PRC1: variants seen among roughly 807,000 people sequenced by gnomAD.
PRC1 encodes the protein protein regulator of cytokinesis 1, also known as anaphase spindle elongation 1 homolog.
A neutral mutation model predicts 91.2 loss-of-function variants in PRC1; 54 were observed. The observed-to-expected ratio is 0.59, with a 90% CI of 0.48 to 0.74. PRC1 has a LOEUF of 0.74. Ranked by LOEUF, PRC1 falls within the 30% of genes least tolerant of loss-of-function variation. PRC1 has a pLI of 0.00. For synonymous variants in PRC1, 275 were observed against 263.6 expected (o/e 1.04, Z -0.42); for missense variants, 727 against 746.2 (o/e 0.97, Z 0.30).
At chr15:90,977,814 T>C (rs935072033) in intron 8 of PRC1, among the ~76,000 whole-genome samples, 3 of 152,080 alleles carry the variant, frequency 2.0e-5, no homozygotes, top group Admixed American at 2.0e-4. Context: ...TCTCGATCTC[T>C]TGACCTCCTG....
chr15:90,970,939 C>T (rs1427790505), intron 11 of PRC1, among the ~76,000 whole-genome samples: 2 of 152,206 alleles, frequency 1.3e-5, no homozygotes, highest in East Asian at 3.8e-4. Flanking sequence ...TAAATTCATA[C>T]AGTGGAATGA....
At chr15:90,990,826 C>T (rs956066987) in intron 1 of PRC1, among the ~76,000 whole-genome samples, 6 of 151,578 alleles carry the variant, frequency 4.0e-5, no homozygotes, top group Non-Finnish European at 5.9e-5. Flanking sequence ...GCACCCAGGC[C>T]GGAGTGCAAT....
In PRC1 at chr15:90,976,860, G is replaced by C. The variant is rs2038747141; in HGVS notation, c.1108-89C>G. The C allele has an allele frequency of 2.7e-6, 3 of 1,113,184 alleles. No homozygotes were observed. The South Asian group carries it at 4.0e-5, about 15-fold the overall frequency. 69.0% of individuals were successfully genotyped at this position (1,113,184 alleles called of 1,614,324 possible). ...AGATTCTTTGTTCTCGCCAGGCGTG[G>C]TGACTCACACCTGTAATCCCAGCAC... On this transcript the variant is annotated intron_variant, in intron 8 of 14. Coordinates refer to ENST00000394249, the MANE Select transcript of PRC1 (RefSeq NM_003981.4).
chr15:90,969,033 G>T (rs1596271521), intron 14 of PRC1, 46 bp downstream of exon 14: 2 of 1,613,730 alleles, frequency 1.2e-6, no homozygotes, highest in South Asian at 1.1e-5. Flanking sequence ...GCCAGCAGAT[G>T]ACAGATCAGT....
chr15:90,978,409 G>C lies in PRC1; in HGVS notation c.1107+749C>G, dbSNP rs1191577719. On this transcript the variant is annotated intron_variant, in intron 8 of 14. Transcript: ENST00000394249. ...AGAGAGCCGGGAAGAGCTCTTGAAG[G>C]AGTGAGGGGCAATGCCTTCTTTGTT... is the stretch of plus-strand genomic sequence containing the variant. 3.3e-5 allele frequency among the ~76,000 whole-genome samples: 5 copies of C among 152,254 alleles called. No homozygotes were observed. In the South Asian group the frequency reaches 8.3e-4, roughly 25 times the overall value.
chr15:90,981,864 G>C lies in PRC1; in HGVS notation c.385C>G (p.Gln129Glu). The change falls in exon 4 of 15, where the codon CAA (glutamine) becomes GAA (glutamate). Residue 129 changes from glutamine (Q) to glutamate (E), a missense_variant. Gln to Glu is a conservative substitution (Grantham distance 29, BLOSUM62 2). Coordinates refer to ENST00000394249, the MANE Select transcript of PRC1 (RefSeq NM_003981.4). Reference sequence around the variant, plus strand: ...ATACAAAGAATTTCGCACAGTTCTTGATCTTGCTCTTGAAGTAGCTTCAGT... The same window carrying C: ...ATACAAAGAATTTCGCACAGTTCTTCATCTTGCTCTTGAAGTAGCTTCAGT... ...QELKLLQEQD[Q>E]ELCEILCMPH... is the part of the protein sequence containing the mutation. 1 of 1,614,204 alleles carries C rather than the reference G, an allele frequency of 6.2e-7. No homozygotes were observed. Among genetic ancestry groups the C allele is most frequent in the Non-Finnish European group, 8.5e-7 (1 of 1,180,042 alleles).
intron 14 of PRC1, chr15:90,968,868 T>G (rs2037786283): frequency 7.3e-6 from 10 of 1,374,784 alleles, no homozygotes; most frequent in Middle Eastern, 5.6e-4. Context: ...CTTTAGGGGC[T>G]GAGAATCCAA....
chr15:90,969,763 C>CATAT (rs61067469), intron 12 of PRC1, 140 bp from the exon 13 acceptor site: 3,036 of 130,080 alleles, frequency 0.023, 147 homozygotes, highest in Non-Finnish European at 0.035. Context: ...AAAAAAAAAA[C>CATAT]ATATATATAT....
At chr15:90,978,706 T>C (rs1299908234) in intron 8 of PRC1, among the ~76,000 whole-genome samples, 2 of 129,380 alleles carry the variant, frequency 1.5e-5, no homozygotes, top group South Asian at 5.1e-4. Context: ...TGAGCCAAGA[T>C]CGCACCATTG....
intron 3 of PRC1, among the ~76,000 whole-genome samples, chr15:90,983,204 T>C (rs750588705): frequency 2.8e-4 from 42 of 152,324 alleles, no homozygotes; most frequent in South Asian, 6.2e-4. Flanking sequence ...AAGTATGAAT[T>C]ATCCTTTGCC....
At position 90,984,840 on chromosome 15, in the gene PRC1, C is replaced by G. The variant is rs2301825; in HGVS notation, c.12-15G>C. The G allele has an allele frequency of 0.15, 248,486 of 1,613,646 alleles. 23,238 individuals are homozygous for G. The highest frequency in any genetic ancestry group is 0.49 in the East Asian group (21,924 of 44,836). The stretch of plus-strand genomic sequence containing the variant: ...CCAGCACCTCACTGAAAACCAAAAA[C>G]TAAGGCCTGTTAGTTACATCAGTCA... On this transcript the variant is annotated splice_polypyrimidine_tract_variant and intron_variant, in intron 1 of 14. Coordinates refer to ENST00000394249, the MANE Select transcript of PRC1 (RefSeq NM_003981.4). The surrounding 1 kb of genome is among the most constrained non-coding windows in gnomAD (Gnocchi z 5.1).
Position 90,981,682 on chromosome 15 carries a change from G to C in PRC1, c.502-13C>G. 6.2e-7 allele frequency: 1 copy of C among 1,611,086 alleles called. No individual in the cohort carries two copies. Among genetic ancestry groups the C allele is most frequent in the East Asian group, 2.2e-5 (1 of 44,820 alleles). ...CACGCCTAGAAGCCTTTAAAACAAA[G>C]CAATTACAAGATACCTAGAGGAAAA... On this transcript the variant is annotated splice_polypyrimidine_tract_variant and intron_variant, in intron 4 of 14. Transcript: ENST00000394249.
At chr15:90,991,537 C>T (rs546746683) in intron 1 of PRC1, among the ~76,000 whole-genome samples, 1 of 152,236 alleles carries the variant, frequency 6.6e-6, no homozygotes, top group South Asian at 2.1e-4. Context: ...GTTAGAGACA[C>T]TTCCTGTAAG....
At chr15:90,988,081 G>A (rs1246537615) in intron 1 of PRC1, 2 of 152,222 alleles carry the variant, frequency 1.3e-5, no homozygotes, top group South Asian at 2.1e-4. Context: ...AGGAAAAAAA[G>A]AGAAATGTTA....
At position 90,966,055 on chromosome 15, in the gene PRC1, T is replaced by TATACTC. The variant is rs2037459557; in HGVS notation, c.*1075_*1076insGAGTAT. 1 of 152,240 alleles carries TATACTC rather than the reference T, an allele frequency of 6.6e-6. No individual in the cohort carries two copies. Among genetic ancestry groups the TATACTC allele is most frequent in the Non-Finnish European group, 1.5e-5 (1 of 68,066 alleles). The allele number at this position is 152,240 out of a possible 1,614,324, so 9.4% of individuals were successfully genotyped here. On this transcript the variant is annotated 3_prime_UTR_variant, in exon 15 of 15. Coordinates refer to ENST00000394249, the MANE Select transcript of PRC1 (RefSeq NM_003981.4). ...ACACTATATCTTTTTGAAATGTAAG[T>TATACTC]ATACAGATTTTAATTTATTTTTAAG... is the stretch of plus-strand genomic sequence containing the variant.
Position 90,974,456 on chromosome 15 carries a change from C to CGGCTCCCCATTCCACAAGCCCTGGTCCCT in PRC1, c.1350+128_1350+129insAGGGACCAGGGCTTGTGGAATGGGGAGCC, listed in dbSNP as rs1567186201. On this transcript the variant is annotated intron_variant, in intron 10 of 14. Transcript: ENST00000394249. This position sits in a 1 kb window ranked among gnomAD's most constrained non-coding sequence, Gnocchi z 4.6. Reference sequence around the variant, plus strand: ...TCCCCGTTCCACAAGCCCCGGTCCCCGGCTTCCCGTTCCACAAGCCCCGGT... The same window carrying CGGCTCCCCATTCCACAAGCCCTGGTCCCT: ...TCCCCGTTCCACAAGCCCCGGTCCCCGGCTCCCCATTCCACAAGCCCTGGTCCCTGGCTTCCCGTTCCACAAGCCCCGGT... 7.3e-7 allele frequency: 1 copy of CGGCTCCCCATTCCACAAGCCCTGGTCCCT among 1,375,856 alleles called. No individual in the cohort carries two copies. The highest frequency in any genetic ancestry group is 1.6e-5 in the African/African-American group (1 of 63,324). 85.2% of individuals were successfully genotyped at this position (1,375,856 alleles called of 1,614,324 possible).
At chr15:90,969,655 T>C (rs1251754874) in intron 12 of PRC1, 32 bp from the exon 13 acceptor site, 1 of 1,554,888 alleles carries the variant, frequency 6.4e-7, no homozygotes, top group East Asian at 2.3e-5. Context: ...CCATGTATCA[T>C]CCTTCTAATG....
At chr15:90,993,437 G>A (rs2040099858) in intron 1 of PRC1, among the ~76,000 whole-genome samples, 2 of 151,946 alleles carry the variant, frequency 1.3e-5, no homozygotes, top group Non-Finnish European at 2.9e-5. Flanking sequence ...TTATTCTGAG[G>A]GCAAGCATTT....
rs1474759520 is a variant in PRC1 at position 90,966,272 on chromosome 15, C to T, written c.*859G>A. Reference sequence around the variant, plus strand: ...TGATTGAGAGGATAGGTAAAGAGGGCGCCTCATCGTGGAAGCTAGAGCAGG... The same window carrying T: ...TGATTGAGAGGATAGGTAAAGAGGGTGCCTCATCGTGGAAGCTAGAGCAGG... On this transcript the variant is annotated 3_prime_UTR_variant, in exon 15 of 15. Transcript: ENST00000394249. 3 of 223,356 alleles carry T rather than the reference C, an allele frequency of 1.3e-5. No individual in the cohort carries two copies. Among genetic ancestry groups the T allele is most frequent in the African/African-American group, 4.6e-5 (2 of 43,388 alleles). The allele number at this position is 223,356 out of a possible 1,614,324, so 13.8% of individuals were successfully genotyped here.
Sources: gnomAD v4.1 joint callset for allele counts (sites outside exome capture counted in the v4.1 genomes callset) on GRCh38, gnomAD v4.1.1 for gene constraint, Gnocchi (gnomAD v3.1) non-coding constraint, MANE v1.5 for transcripts, NCBI Gene and HGNC (gene_info 2026-07-23, HGNC 2026-07-21) for gene names.